Variants in ADGRL2 observed in about 807,000 individuals in gnomAD.
The protein encoded by ADGRL2 is calcium-independent alpha-latrotoxin receptor 2.
ADGRL2 carries 44 observed loss-of-function variants against 157.4 expected under a neutral mutation model. The ratio of observed to expected loss-of-function variants is 0.28; its 90% CI spans 0.22 to 0.36. ADGRL2 has a LOEUF of 0.36. Among genes scored for constraint, ADGRL2 ranks in the 10% least tolerant of loss-of-function variants. The pLI is 1.00. For synonymous variants in ADGRL2, 585 were observed against 624.7 expected (o/e 0.94, Z 0.95); for missense variants, 1,510 against 1,768.9 (o/e 0.85, Z 2.63).
At chr1:81,629,461 C>CA (rs201215735) in intron 3 of ADGRL2, among the ~76,000 whole-genome samples, 172 of 146,646 alleles carry the variant, frequency 1.2e-3, no homozygotes, top group African/African-American at 3.7e-3. Context: ...GCATTTTTTA[C>CA]AAAAAAAAAT....
At chr1:81,797,654 C>G (rs932340772), upstream of ADGRL2, among the ~76,000 whole-genome samples, 1 of 152,158 alleles carries the variant, frequency 6.6e-6, no homozygotes. Context: ...TATATTTTAA[C>G]AAGTGCCTGA....
At chr1:81,631,577 A>G (rs2082011416) in intron 3 of ADGRL2, among the ~76,000 whole-genome samples, 1 of 152,278 alleles carries the variant, frequency 6.6e-6, no homozygotes, top group Non-Finnish European at 1.5e-5. Flanking sequence ...GGAATTACGC[A>G]CCGATATCTA....
chr1:81,571,769 T>C (rs1331270223), intron 2 of ADGRL2, among the ~76,000 whole-genome samples: 1 of 152,176 alleles, frequency 6.6e-6, no homozygotes, highest in Non-Finnish European at 1.5e-5. Flanking sequence ...CTTAATTCTG[T>C]CTGTATTATG....
At chr1:81,612,964 T>C (rs953558053) in intron 3 of ADGRL2, among the ~76,000 whole-genome samples, 2 of 152,206 alleles carry the variant, frequency 1.3e-5, no homozygotes, top group African/African-American at 2.4e-5. Flanking sequence ...TTGTGTACCA[T>C]GAAGGGTACT....
intron 1 of ADGRL2, among the ~76,000 whole-genome samples, chr1:81,429,784 G>A (rs1275668978): frequency 6.6e-6 from 1 of 152,222 alleles, no homozygotes; most frequent in Non-Finnish European, 1.5e-5. Context: ...CCTTCCATAT[G>A]CCAGGCAACG....
chr1:81,475,905 G>A (rs897609332), intron 2 of ADGRL2, among the ~76,000 whole-genome samples: 1 of 152,144 alleles, frequency 6.6e-6, no homozygotes, highest in Admixed American at 6.5e-5. Context: ...TCTCTGCCAC[G>A]GGGGCAAGTA....
intron 1 of ADGRL2, among the ~76,000 whole-genome samples, chr1:81,818,224 A>G (rs905978141): frequency 2.6e-5 from 4 of 152,248 alleles, no homozygotes; most frequent in Admixed American, 1.3e-4. Flanking sequence ...TAAACTTTCA[A>G]AAATCAGGTA....
intron 1 of ADGRL2, among the ~76,000 whole-genome samples, chr1:81,747,102 CATATATGTGT>C (rs1449533088): frequency 7.6e-4 from 104 of 136,032 alleles, no homozygotes; most frequent in African/African-American, 1.5e-3. Flanking sequence ...GTAATATATA[CATATATGTGT>C]ATATATGTGT....
chr1:81,371,984 AG>A, intron 1 of ADGRL2, among the ~76,000 whole-genome samples: 1 of 152,342 alleles, frequency 6.6e-6, no homozygotes, highest in Non-Finnish European at 1.5e-5. Flanking sequence ...GTTGACAGGC[AG>A]TCATGTGAGA....
intron 2 of ADGRL2, among the ~76,000 whole-genome samples, chr1:81,492,743 C>T (rs538003084): frequency 5.9e-5 from 9 of 152,226 alleles, no homozygotes; most frequent in South Asian, 4.2e-4. Context: ...AACAGCAAGG[C>T]ATTTAATATT....
At chr1:81,704,189 T>G (rs1175189149) in intron 1 of ADGRL2, among the ~76,000 whole-genome samples, 1 of 152,226 alleles carries the variant, frequency 6.6e-6, no homozygotes, top group African/African-American at 2.4e-5. Flanking sequence ...GGCAGCCATC[T>G]CCTAAAAACC....
At position 81,355,792 on chromosome 1, in the gene ADGRL2, C is replaced by A. The variant is rs539046574; in HGVS notation, c.-302+49283C>A. Among the ~76,000 whole-genome samples, 3 of 152,230 alleles carry A rather than the reference C, an allele frequency of 2.0e-5. No homozygotes were observed. The South Asian group carries it at 6.2e-4, about 32-fold the overall frequency. On this transcript the variant is annotated intron_variant, in intron 1 of 24. Coordinates refer to the ADGRL2 transcript ENST00000370721. ...AGAGCCTCTTTTTATGTGTCATTAC[C>A]AGGAGAATGGTGACCTACTCGCTCC... is the stretch of plus-strand genomic sequence containing the variant.
At chr1:81,926,799 C>T (rs1249733828) in intron 3 of ADGRL2, among the ~76,000 whole-genome samples, 1 of 151,908 alleles carries the variant, frequency 6.6e-6, no homozygotes, top group Non-Finnish European at 1.5e-5. Context: ...CTAATAAAAG[C>T]AAGCACATTT....
At chr1:81,775,596 A>AG (rs2086550028) in intron 2 of ADGRL2, among the ~76,000 whole-genome samples, 1 of 152,056 alleles carries the variant, frequency 6.6e-6, no homozygotes, top group Non-Finnish European at 1.5e-5. Context: ...AAAAAAAAAA[A>AG]AAAAGTGTGA....
chr1:81,767,113 A>T (rs899192899), intron 2 of ADGRL2, among the ~76,000 whole-genome samples: 2 of 152,140 alleles, frequency 1.3e-5, no homozygotes, highest in African/African-American at 2.4e-5. Flanking sequence ...AGTTGTATTT[A>T]TCTATGACTC....
intron 3 of ADGRL2, among the ~76,000 whole-genome samples, chr1:81,924,514 G>A (rs893787996): frequency 7.2e-5 from 11 of 152,100 alleles, no homozygotes; most frequent in East Asian, 1.9e-4. Context: ...AGATAATATC[G>A]TAGAGAGATG....
At chr1:81,535,844 A>G (rs1302952314) in intron 2 of ADGRL2, among the ~76,000 whole-genome samples, 1 of 152,224 alleles carries the variant, frequency 6.6e-6, no homozygotes, top group Admixed American at 6.5e-5. Flanking sequence ...AAATCTAAAT[A>G]CAAATTAGAG....
chr1:81,552,198 C>T (rs752273876), intron 2 of ADGRL2, among the ~76,000 whole-genome samples: 1 of 152,040 alleles, frequency 6.6e-6, no homozygotes, highest in African/African-American at 2.4e-5. Flanking sequence ...CGAGAAGAGT[C>T]TATTGAGAGT....
At chr1:81,544,731 T>C (rs189106927) in intron 2 of ADGRL2, among the ~76,000 whole-genome samples, 89 of 152,292 alleles carry the variant, frequency 5.8e-4, no homozygotes, top group African/African-American at 2.0e-3. Flanking sequence ...AACTCTATCA[T>C]AGGTGGCCTT....
Sources: gnomAD v4.1 joint callset for allele counts (sites outside exome capture counted in the v4.1 genomes callset) on GRCh38, gnomAD v4.1.1 for gene constraint, MANE v1.5 for transcripts, NCBI Gene and HGNC (gene_info 2026-07-23, HGNC 2026-07-21) for gene names.